The following USP8 variants were observed in gnomAD, a reference collection of about 807,000 sequenced individuals.
USP8 encodes ubiquitin carboxyl-terminal hydrolase 8.
USP8 carries 27 observed loss-of-function variants against 130.0 expected under a neutral mutation model. That is an observed-to-expected ratio of 0.21 (90% CI 0.15 to 0.29). The LOEUF (loss-of-function observed/expected upper bound fraction) is 0.29. USP8 is among the 10% of genes least tolerant of loss of function. The pLI, the probability that USP8 is intolerant of heterozygous loss-of-function variation, is 1.00. For missense variants in USP8, 1,029 were observed against 1,312.2 expected (o/e 0.78, Z 3.33); for synonymous variants, 392 against 444.1 (o/e 0.88, Z 1.48).
rs532819868 is a variant in USP8, at chr15:50,502,139, T to C, written c.*3051T>C. 2 of 152,272 alleles carry C rather than the reference T, an allele frequency of 1.3e-5. No homozygotes were observed. The highest frequency in any genetic ancestry group is 4.8e-5 in the African/African-American group (2 of 41,562). 9.4% of individuals were successfully genotyped at this position (152,272 alleles called of 1,614,324 possible). On this transcript the variant is annotated 3_prime_UTR_variant, in exon 20 of 20. Transcript: ENST00000307179. ...TTTTAATTTTTTGAGATGGAGTCTC[T>C]CTCTGTTGCCCAGGCTGGAATGCAG...
intron 15 of USP8, 156 bp downstream of exon 15, chr15:50,493,069 G>A: frequency 1.2e-6 from 1 of 820,202 alleles, no homozygotes; most frequent in Non-Finnish European, 2.0e-6. Context: ...GTTCTTGACT[G>A]GGAAGGCCAT....
At chr15:50,449,533 AAAT>A in intron 4 of USP8, 48 bp downstream of exon 4, 2 of 1,287,830 alleles carry the variant, frequency 1.6e-6, no homozygotes, top group African/African-American at 3.0e-5. Context: ...TAGAAGATAA[AAAT>A]AATATTTAAG....
intron 7 of USP8, among the ~76,000 whole-genome samples, chr15:50,467,291 A>G (rs1566865082): frequency 6.6e-6 from 1 of 152,220 alleles, no homozygotes; most frequent in African/African-American, 2.4e-5. Context: ...GTTTCCCAAA[A>G]TGTGAGATTT....
chr15:50,444,474 A>G (rs544327590), intron 3 of USP8: 5 of 150,254 alleles, frequency 3.3e-5, no homozygotes, highest in African/African-American at 9.8e-5. Context: ...TTTTTTTTCT[A>G]TGACAAAATT....
chr15:50,442,121 T>C (rs1322727230), intron 3 of USP8, among the ~76,000 whole-genome samples: 2 of 152,026 alleles, frequency 1.3e-5, no homozygotes, highest in African/African-American at 2.4e-5. Context: ...ATTACAGGCA[T>C]GTGCCACCAA....
intron 12 of USP8, among the ~76,000 whole-genome samples, chr15:50,489,285 CCTTT>C (rs2052073103): frequency 6.6e-6 from 1 of 152,024 alleles, no homozygotes; most frequent in Admixed American, 6.5e-5. Context: ...AGTTTTGTAG[CCTTT>C]CTTGTGAATA....
chr15:50,505,131 G>C lies in USP8; in HGVS notation c.*6043G>C, dbSNP rs1040968380. ...GTAGAAGTTCTAGGAGGAGAGAATC[G>C]AGTAGGGGAGCAAGGCAATATTAAA... On this transcript the variant is annotated 3_prime_UTR_variant, in exon 20 of 20. Coordinates refer to ENST00000307179, the MANE Select transcript of USP8 (RefSeq NM_005154.5). The C allele has an allele frequency of 2.6e-5, 4 of 152,162 alleles. No homozygotes were observed. The highest frequency in any genetic ancestry group is 9.7e-5 in the African/African-American group (4 of 41,444). 9.4% of individuals were successfully genotyped at this position (152,162 alleles called of 1,614,324 possible).
chr15:50,507,276 CTGTCTCTAAA>C lies in USP8; in HGVS notation c.*8189_*8198del, dbSNP rs1566901738. 2 of 152,476 alleles carry C rather than the reference CTGTCTCTAAA, an allele frequency of 1.3e-5. No individual in the cohort carries two copies. The highest frequency in any genetic ancestry group is 4.8e-5 in the African/African-American group (2 of 41,448). 9.4% of individuals were successfully genotyped at this position (152,476 alleles called of 1,614,324 possible). On this transcript the variant is annotated 3_prime_UTR_variant, in exon 20 of 20. Transcript: ENST00000307179. The stretch of plus-strand genomic sequence containing the variant: ...CCAGCCTGGGGCACAGAGTGAGACT[CTGTCTCTAAA>C]ACAAAACAACAACAACAACAAATCC...
At chr15:50,445,495 G>T (rs556587358) in intron 3 of USP8, among the ~76,000 whole-genome samples, 2 of 129,046 alleles carry the variant, frequency 1.5e-5, no homozygotes, top group Non-Finnish European at 3.1e-5. Context: ...GCAGTGAGCC[G>T]AGATCGCACC....
intron 10 of USP8, 127 bp downstream of exon 10, chr15:50,477,626 G>T (rs2051611824): frequency 1.2e-6 from 1 of 842,408 alleles, no homozygotes; most frequent in Non-Finnish European, 1.8e-6. Context: ...GATCACCTGA[G>T]GTCAGGAGTT....
chr15:50,454,183 G>A (rs2050715680), intron 4 of USP8, among the ~76,000 whole-genome samples: 2 of 151,982 alleles, frequency 1.3e-5, no homozygotes, highest in Non-Finnish European at 2.9e-5. Flanking sequence ...ATTCTTAAGG[G>A]ATTTTAACTA....
chr15:50,449,954 C>G (rs549015975), intron 4 of USP8, among the ~76,000 whole-genome samples: 14 of 134,542 alleles, frequency 1.0e-4, no homozygotes, highest in African/African-American at 4.0e-4. Flanking sequence ...AGTGCAGTGG[C>G]GCGATCTCAG....
rs1448088487 is a variant in USP8 at position 50,499,852 on chromosome 15, A to G, written c.*764A>G. The G allele has an allele frequency of 4.6e-5, 7 of 152,190 alleles. No individual in the cohort carries two copies. Among genetic ancestry groups the G allele is most frequent in the African/African-American group, 1.7e-4 (7 of 41,446 alleles). 9.4% of individuals were successfully genotyped at this position (152,190 alleles called of 1,614,324 possible). ...GACAGTAAAACCATAGATTTTATATACACACGTGCTATATAATAACACCCA... is the reference window on the plus strand; with the variant it reads ...GACAGTAAAACCATAGATTTTATATGCACACGTGCTATATAATAACACCCA... On this transcript the variant is annotated 3_prime_UTR_variant, in exon 20 of 20. Coordinates refer to ENST00000307179, the MANE Select transcript of USP8 (RefSeq NM_005154.5).
intron 10 of USP8, among the ~76,000 whole-genome samples, chr15:50,480,307 C>T (rs182080309): frequency 8.3e-4 from 127 of 152,208 alleles, no homozygotes; most frequent in Admixed American, 4.6e-3. Flanking sequence ...TAGTATTTTA[C>T]CTCATGTAAA....
At chr15:50,434,093 A>G (rs1477795337) in intron 1 of USP8, among the ~76,000 whole-genome samples, 1 of 133,146 alleles carries the variant, frequency 7.5e-6, no homozygotes, top group African/African-American at 2.7e-5. Context: ...ATCCTTCTTG[A>G]AGCATAAGGT....
chr15:50,460,169 T>C (rs2050940144), intron 5 of USP8, among the ~76,000 whole-genome samples: 1 of 151,340 alleles, frequency 6.6e-6, no homozygotes. Context: ...GGCTAATTTT[T>C]GTATTTTTAG....
intron 14 of USP8, among the ~76,000 whole-genome samples, chr15:50,491,590 G>C (rs2052170428): frequency 6.6e-6 from 1 of 152,154 alleles, no homozygotes; most frequent in African/African-American, 2.4e-5. Flanking sequence ...GGAGCTGATT[G>C]AAATATAGTT....
Position 50,494,288 on chromosome 15 carries a change from A to C in USP8, c.2658+8A>C. 1 of 1,589,946 alleles carries C rather than the reference A, an allele frequency of 6.3e-7. No individual in the cohort carries two copies. The highest frequency in any genetic ancestry group is 8.5e-7 in the Non-Finnish European group (1 of 1,172,692). Reference sequence around the variant, plus strand: ...CATGAAGATCTAAATAAAGTAAGAAATTTGATTTTTCTAAGTTGCAGAGAC... The same window carrying C: ...CATGAAGATCTAAATAAAGTAAGAACTTTGATTTTTCTAAGTTGCAGAGAC... On this transcript the variant is annotated splice_region_variant and intron_variant, in intron 16 of 19. Coordinates refer to ENST00000307179, the MANE Select transcript of USP8 (RefSeq NM_005154.5).
rs200637747 is a variant in USP8 at position 50,433,234 on chromosome 15, CA to C, written c.-65-5762del. On this transcript the variant is annotated intron_variant, in intron 1 of 19. Coordinates refer to ENST00000307179, the MANE Select transcript of USP8 (RefSeq NM_005154.5). Reference sequence around the variant, plus strand: ...GGGCGACAGAGTGAGACTCCGTCTCCAAAAAAAAAAAAAGTTATTTAATCAA... The same window carrying C: ...GGGCGACAGAGTGAGACTCCGTCTCCAAAAAAAAAAAAGTTATTTAATCAA... 5.2e-3 allele frequency among the ~76,000 whole-genome samples: 696 copies of C among 134,900 alleles called. 5 individuals carry two copies. Among genetic ancestry groups the C allele is most frequent in the African/African-American group, 0.015 (532 of 36,334 alleles). 88.5% of individuals were successfully genotyped at this position (134,900 alleles called of 152,430 possible). A position where few individuals can be genotyped will look rare whatever the true frequency, so the allele number is the denominator to read the frequency against.
Sources: gnomAD v4.1 joint callset for allele counts (sites outside exome capture counted in the v4.1 genomes callset) on GRCh38, gnomAD v4.1.1 for gene constraint, MANE v1.5 for transcripts, NCBI Gene and HGNC (gene_info 2026-07-23, HGNC 2026-07-21) for gene names.